SYNPR: variants seen among roughly 807,000 people sequenced by gnomAD.
The protein encoded by SYNPR is synaptoporin.
SYNPR carries 23 observed loss-of-function variants against 32.9 expected under a neutral mutation model. The ratio of observed to expected loss-of-function variants is 0.70; its 90% CI spans 0.50 to 0.99. The LOEUF is 0.99. Among genes scored for constraint, SYNPR ranks in the 50% least tolerant of loss-of-function variants. The pLI is 0.00. For synonymous variants in SYNPR, 146 were observed against 135.9 expected, an observed-to-expected ratio of 1.07 and a Z score of -0.52; for missense variants, 318 against 349.3, an observed-to-expected ratio of 0.91 and a Z score of 0.71.
At chr3:63,378,047 T>C (rs1354373739) in intron 2 of SYNPR, among the ~76,000 whole-genome samples, 1 of 151,892 alleles carries the variant, frequency 6.6e-6, no homozygotes, top group Non-Finnish European at 1.5e-5. Flanking sequence ...TTGTATAATA[T>C]AGTGAAATAT....
At position 63,369,711 on chromosome 3, in the gene SYNPR, C is replaced by T. The variant is rs894124987; in HGVS notation, c.84+90969C>T. Reference sequence around the variant, plus strand: ...CTGGTGTGAAGGCGAAGCAGAGAGGCTTTGACATTGCTCTCAAAGCCTTCC... The same window carrying T: ...CTGGTGTGAAGGCGAAGCAGAGAGGTTTTGACATTGCTCTCAAAGCCTTCC... On this transcript the variant is annotated intron_variant, in intron 2 of 5. Coordinates refer to ENST00000478300, the MANE Select transcript of SYNPR (RefSeq NM_001130003.2). Among the ~76,000 whole-genome samples, 4 of 152,172 alleles carry T rather than the reference C, an allele frequency of 2.6e-5. No homozygotes were observed. In the South Asian group the frequency reaches 6.2e-4, roughly 24 times the overall value.
At chr3:63,347,998 A>G (rs1414453442) in intron 2 of SYNPR, among the ~76,000 whole-genome samples, 2 of 151,922 alleles carry the variant, frequency 1.3e-5, no homozygotes, top group Non-Finnish European at 2.9e-5. Flanking sequence ...TATTGTGAAT[A>G]GTGCTGGTAC....
chr3:63,288,899 C>T (rs1411993751), intron 2 of SYNPR, among the ~76,000 whole-genome samples: 3 of 152,122 alleles, frequency 2.0e-5, no homozygotes. Flanking sequence ...ATGTAGAAGG[C>T]AGTCTGGAAC....
At chr3:63,470,810 G>A (rs12629319) in intron 2 of SYNPR, among the ~76,000 whole-genome samples, 32,402 of 152,066 alleles carry the variant, frequency 0.21, 3,908 homozygotes, top group East Asian at 0.29. Flanking sequence ...GTGACAATGA[G>A]GCAAAGACTG....
At chr3:63,542,351 C>T (rs1702320155) in intron 3 of SYNPR, among the ~76,000 whole-genome samples, 1 of 152,078 alleles carries the variant, frequency 6.6e-6, no homozygotes, top group African/African-American at 2.4e-5. Context: ...TAAGCAAAAA[C>T]ATCAGATGCC....
intron 1 of SYNPR, among the ~76,000 whole-genome samples, chr3:63,229,483 A>G (rs1332468633): frequency 6.6e-6 from 1 of 152,084 alleles, no homozygotes; most frequent in Non-Finnish European, 1.5e-5. Context: ...AAGGGAGCTA[A>G]TTATCTTCTA....
chr3:63,424,282 G>GA (rs1217984961), intron 2 of SYNPR, among the ~76,000 whole-genome samples: 1 of 151,614 alleles, frequency 6.6e-6, no homozygotes, highest in Non-Finnish European at 1.5e-5. Context: ...TTATTTTTTT[G>GA]AAAAAATCAT....
intron 2 of SYNPR, among the ~76,000 whole-genome samples, chr3:63,399,655 G>A (rs73110825): frequency 0.2 from 30,135 of 152,038 alleles, 3,594 homozygotes; most frequent in Middle Eastern, 0.27. Flanking sequence ...ATGAATCTGG[G>A]GGGATACAAA....
intron 2 of SYNPR, among the ~76,000 whole-genome samples, chr3:63,331,260 G>A (rs573010313): frequency 4.6e-5 from 7 of 152,106 alleles, no homozygotes; most frequent in South Asian, 2.1e-4. Flanking sequence ...ACCTATTGCC[G>A]TTCTAGGATT....
At chr3:63,584,997 G>A (rs1309273949) in intron 4 of SYNPR, among the ~76,000 whole-genome samples, 1 of 152,056 alleles carries the variant, frequency 6.6e-6, no homozygotes, top group African/African-American at 2.4e-5. Flanking sequence ...GCTTTGTCGT[G>A]CATAAAGTTG....
intron 4 of SYNPR, among the ~76,000 whole-genome samples, chr3:63,570,986 A>G (rs1184621298): frequency 6.6e-6 from 1 of 152,234 alleles, no homozygotes; most frequent in Non-Finnish European, 1.5e-5. Flanking sequence ...CCCCCAAAAT[A>G]TAGACTACGC....
chr3:63,393,925 G>A (rs2088177435), intron 2 of SYNPR, among the ~76,000 whole-genome samples: 1 of 151,984 alleles, frequency 6.6e-6, no homozygotes, highest in South Asian at 2.1e-4. Flanking sequence ...TATATCTTTT[G>A]TCTACTGAAC....
chr3:63,578,814 G>C (rs953697687), intron 4 of SYNPR, among the ~76,000 whole-genome samples: 1 of 152,150 alleles, frequency 6.6e-6, no homozygotes, highest in African/African-American at 2.4e-5. Flanking sequence ...AGAACTTGTA[G>C]AGTTCAGCAA....
intron 3 of SYNPR, among the ~76,000 whole-genome samples, chr3:63,544,248 G>A (rs570084845): frequency 1.3e-5 from 2 of 152,028 alleles, no homozygotes; most frequent in Non-Finnish European, 2.9e-5. Flanking sequence ...ATGTGCTGAC[G>A]ATAAAGGGTA....
chr3:63,201,776 T>C, the SYNPR span, among the ~76,000 whole-genome samples: 3 of 152,094 alleles, frequency 2.0e-5, no homozygotes, highest in Non-Finnish European at 2.9e-5. Context: ...CATGAAAGTG[T>C]CAAGAGGAAT....
intron 3 of SYNPR, among the ~76,000 whole-genome samples, chr3:63,497,552 G>GT (rs564665863): frequency 0.18 from 25,805 of 143,754 alleles, 2,346 homozygotes; most frequent in African/African-American, 0.22. Flanking sequence ...GGGTGTTGCT[G>GT]TTTTTTTTTT....
chr3:63,340,463 A>G (rs2087352353), intron 2 of SYNPR, among the ~76,000 whole-genome samples: 1 of 126,754 alleles, frequency 7.9e-6, no homozygotes, highest in South Asian at 2.5e-4. Flanking sequence ...TCTGTTGCCC[A>G]GGCTGGAGTG....
intron 2 of SYNPR, among the ~76,000 whole-genome samples, chr3:63,404,924 T>C (rs1030273812): frequency 6.6e-6 from 1 of 152,170 alleles, no homozygotes; most frequent in Non-Finnish European, 1.5e-5. Context: ...GGCATTGCAC[T>C]AACTCTATGT....
At chr3:63,386,841 G>T (rs1010880469) in intron 2 of SYNPR, among the ~76,000 whole-genome samples, 1 of 152,204 alleles carries the variant, frequency 6.6e-6, no homozygotes, top group African/African-American at 2.4e-5. Context: ...CAGAAAGCAC[G>T]CTGCCTCCCT....
Sources: allele counts gnomAD v4.1 joint callset (sites outside exome capture counted in the v4.1 genomes callset), GRCh38; gene constraint gnomAD v4.1.1; transcripts MANE v1.5; gene names NCBI Gene and HGNC (gene_info 2026-07-23, HGNC 2026-07-21).